The following AMPH variants were observed in gnomAD, a reference collection of about 807,000 sequenced individuals.
AMPH encodes amphiphysin (Stiff-Mann syndrome with breast cancer 128kD autoantigen).
A neutral mutation model predicts 99.1 loss-of-function variants in AMPH; 49 were observed. That is an observed-to-expected ratio of 0.49 (90% CI 0.39 to 0.63). The LOEUF (loss-of-function observed/expected upper bound fraction) is 0.63, where lower values mean the gene tolerates loss of function less well. AMPH is among the 20% of genes least tolerant of loss of function. The probability of loss-of-function intolerance (pLI) is 0.00; values close to 1 mark genes in which losing one functional copy is unlikely to be tolerated. For synonymous variants in AMPH, 314 were observed against 317.3 expected, an observed-to-expected ratio of 0.99 and a Z score of 0.11; for missense variants, 759 against 863.4, an observed-to-expected ratio of 0.88 and a Z score of 1.52.
chr7:38,428,618 C>G (rs1785874859), intron 14 of AMPH: 1 of 456,532 alleles, frequency 2.2e-6, no homozygotes, highest in South Asian at 1.5e-5. Context: ...CTTTTCTAGT[C>G]AAATCCCATC....
chr7:38,403,082 T>G (rs1401866552), intron 17 of AMPH, among the ~76,000 whole-genome samples: 1 of 152,144 alleles, frequency 6.6e-6, no homozygotes, highest in Non-Finnish European at 1.5e-5. Flanking sequence ...GATGGCTGAC[T>G]GGAGACGTCA....
chr7:38,492,688 G>A (rs1788769117), intron 4 of AMPH, among the ~76,000 whole-genome samples: 1 of 152,130 alleles, frequency 6.6e-6, no homozygotes, highest in Admixed American at 6.5e-5. Flanking sequence ...GTTTGCATGT[G>A]CAACTGAGGA....
chr7:38,511,854 A>T (rs971562979), intron 2 of AMPH, among the ~76,000 whole-genome samples: 2 of 152,236 alleles, frequency 1.3e-5, no homozygotes, highest in African/African-American at 4.8e-5. Context: ...GTTTGGGAAC[A>T]TATTCCAGCA....
intron 2 of AMPH, among the ~76,000 whole-genome samples, chr7:38,506,647 G>A (rs1016234542): frequency 6.6e-6 from 1 of 152,188 alleles, no homozygotes; most frequent in Non-Finnish European, 1.5e-5. Flanking sequence ...GAATCTGGGG[G>A]CATTTAGTGG....
intron 1 of AMPH, among the ~76,000 whole-genome samples, chr7:38,584,116 T>C (rs913291012): frequency 2.0e-5 from 3 of 152,234 alleles, no homozygotes; most frequent in African/African-American, 7.2e-5. Context: ...TGTTTTTATA[T>C]ATTTGACTTG....
At chr7:38,541,016 TTA>T (rs1491539671) in intron 1 of AMPH, among the ~76,000 whole-genome samples, 1 of 52,006 alleles carries the variant, frequency 1.9e-5, no homozygotes. Flanking sequence ...CTTTCTGTTC[TTA>T]AAAAAAAAAA....
At chr7:38,525,277 T>TATATATATATATATATATATAG (rs1481528083) in intron 2 of AMPH, among the ~76,000 whole-genome samples, 3 of 86,656 alleles carry the variant, frequency 3.5e-5, no homozygotes, top group African/African-American at 1.4e-4. Context: ...TATATATATA[T>TATATATATATATATATATATAG]AGAGAGAGAG....
chr7:38,555,032 A>G (rs1791313560), intron 1 of AMPH, among the ~76,000 whole-genome samples: 1 of 152,174 alleles, frequency 6.6e-6, no homozygotes, highest in Admixed American at 6.5e-5. Flanking sequence ...TGACCTGGCT[A>G]TTGGGGGAAG....
At chr7:38,420,724 G>C (rs190521150) in intron 16 of AMPH, among the ~76,000 whole-genome samples, 7 of 152,090 alleles carry the variant, frequency 4.6e-5, no homozygotes, top group African/African-American at 1.7e-4. Context: ...ATGTGGCCTT[G>C]TATCCAGTTT....
At chr7:38,401,789 T>A (rs1784847946) in intron 17 of AMPH, among the ~76,000 whole-genome samples, 1 of 152,172 alleles carries the variant, frequency 6.6e-6, no homozygotes, top group Admixed American at 6.5e-5. Flanking sequence ...CCCCATTAAG[T>A]TTGCTTTTTT....
At chr7:38,503,496 G>GT (rs1491326828) in intron 3 of AMPH, among the ~76,000 whole-genome samples, 154 bp downstream of exon 3, 3 of 67,030 alleles carry the variant, frequency 4.5e-5, no homozygotes, top group East Asian at 1.1e-3. Flanking sequence ...AATTTGGGGC[G>GT]GGGGGGTGGG....
chr7:38,625,684 T>C (rs1794216720), intron 1 of AMPH, among the ~76,000 whole-genome samples: 2 of 152,056 alleles, frequency 1.3e-5, no homozygotes, highest in Non-Finnish European at 2.9e-5. Flanking sequence ...AAAGAAGATA[T>C]CAAAATTACC....
chr7:38,528,030 T>C (rs554106013), intron 2 of AMPH, among the ~76,000 whole-genome samples: 5 of 152,318 alleles, frequency 3.3e-5, no homozygotes, highest in Admixed American at 2.0e-4. Context: ...TTACCTTGTT[T>C]ATATGGTAAA....
intron 1 of AMPH, among the ~76,000 whole-genome samples, chr7:38,602,955 G>A (rs771968984): frequency 1.1e-4 from 17 of 152,142 alleles, no homozygotes; most frequent in Non-Finnish European, 2.2e-4. Flanking sequence ...AAGGCTGAAA[G>A]TTGCCTGAGA....
At chr7:38,466,370 T>C (rs1787653689) in intron 7 of AMPH, 122 bp from the exon 8 acceptor site, 2 of 760,538 alleles carry the variant, frequency 2.6e-6, no homozygotes, top group South Asian at 1.7e-5. Flanking sequence ...TGAATAACTT[T>C]GGACTAAATA....
chr7:38,559,076 C>T (rs988742595), intron 1 of AMPH, among the ~76,000 whole-genome samples: 3 of 152,226 alleles, frequency 2.0e-5, no homozygotes, highest in Admixed American at 6.5e-5. Flanking sequence ...TCCATGTTCA[C>T]GTTGTCAAAC....
At chr7:38,428,662 A>T in intron 14 of AMPH, 1 of 456,682 alleles carries the variant, frequency 2.2e-6, no homozygotes, top group Non-Finnish European at 4.4e-6. Flanking sequence ...TTAGATACAG[A>T]GTAGGTCTGG....
intron 7 of AMPH, among the ~76,000 whole-genome samples, chr7:38,472,187 T>A (rs1787911392): frequency 6.6e-6 from 1 of 152,260 alleles, no homozygotes; most frequent in African/African-American, 2.4e-5. Context: ...TAACATGTAA[T>A]ATGTTTATTA....
intron 7 of AMPH, among the ~76,000 whole-genome samples, chr7:38,469,626 G>A (rs1359607989): frequency 6.6e-6 from 1 of 152,004 alleles, no homozygotes; most frequent in African/African-American, 2.4e-5. Flanking sequence ...AGGATTAATG[G>A]CACTCATATT....
Sources: gnomAD v4.1 joint callset for allele counts (sites outside exome capture counted in the v4.1 genomes callset) on GRCh38, gnomAD v4.1.1 for gene constraint, MANE v1.5 for transcripts, NCBI Gene and HGNC (gene_info 2026-07-23, HGNC 2026-07-21) for gene names.